The following UBE2K variants were observed in gnomAD, a reference collection of about 807,000 sequenced individuals.
UBE2K encodes ubiquitin-conjugating enzyme E2 K.
Under a neutral mutation model 30.0 loss-of-function variants are expected in UBE2K, and 6 were observed. The ratio of observed to expected loss-of-function variants is 0.20; its 90% CI spans 0.11 to 0.39. The LOEUF (loss-of-function observed/expected upper bound fraction) is 0.39. UBE2K is among the 10% of genes least tolerant of loss of function. The probability of loss-of-function intolerance (pLI) is 1.00; values close to 1 mark genes in which losing one functional copy is unlikely to be tolerated. For missense variants in UBE2K, 61 were observed against 241.6 expected (o/e 0.25, Z 4.96); for synonymous variants, 86 against 83.7 (o/e 1.03, Z -0.15).
chr4:39,775,921 G>A (rs775715203), intron 5 of UBE2K, among the ~76,000 whole-genome samples: 1 of 150,780 alleles, frequency 6.6e-6, no homozygotes, highest in Non-Finnish European at 1.5e-5. Context: ...CTTCTTACTC[G>A]TCTTTCTTAA....
intron 4 of UBE2K, chr4:39,761,036 C>T (rs1475161068): frequency 6.6e-6 from 1 of 152,268 alleles, no homozygotes; most frequent in African/African-American, 2.4e-5. Context: ...GTCCCAGCTA[C>T]TCAGGAGGCT....
chr4:39,714,546 A>ATTTTTTTTTTTTTTTTT (rs879776892), intron 1 of UBE2K: 5 of 25,278 alleles, frequency 2.0e-4, no homozygotes, highest in Admixed American at 8.3e-4. Flanking sequence ...ATATATATAT[A>ATTTTTTTTTTTTTTTTT]TATATTTTTT....
At chr4:39,709,605 A>G (rs2109309792) in intron 1 of UBE2K, among the ~76,000 whole-genome samples, 1 of 152,188 alleles carries the variant, frequency 6.6e-6, no homozygotes, top group Middle Eastern at 3.4e-3. Flanking sequence ...GTATGTACGT[A>G]TAGGGTCGGT....
chr4:39,717,378 A>C (rs369848073), intron 1 of UBE2K, among the ~76,000 whole-genome samples: 2 of 151,938 alleles, frequency 1.3e-5, no homozygotes, highest in Non-Finnish European at 2.9e-5. Flanking sequence ...TTACAGATGC[A>C]TGCTGCCACA....
At chr4:39,776,333 A>G (rs186338687) in intron 5 of UBE2K, among the ~76,000 whole-genome samples, 1 of 152,170 alleles carries the variant, frequency 6.6e-6, no homozygotes, top group Non-Finnish European at 1.5e-5. Flanking sequence ...TTTCTTTTCA[A>G]CTGCTCTGAT....
At chr4:39,772,299 C>T (rs1712940421) in intron 4 of UBE2K, among the ~76,000 whole-genome samples, 3 of 151,388 alleles carry the variant, frequency 2.0e-5, no homozygotes, top group Non-Finnish European at 4.4e-5. Context: ...GTGGCTCACA[C>T]CTATAATCCC....
At chr4:39,730,813 T>C (rs1349310956) in intron 1 of UBE2K, among the ~76,000 whole-genome samples, 8 of 139,292 alleles carry the variant, frequency 5.7e-5, no homozygotes, top group Non-Finnish European at 1.2e-4. Context: ...ATAGCTTCTT[T>C]TTTTTTTTTT....
intron 1 of UBE2K, among the ~76,000 whole-genome samples, chr4:39,718,901 A>G (rs978917064): frequency 1.3e-5 from 2 of 152,364 alleles, no homozygotes; most frequent in East Asian, 1.9e-4. Flanking sequence ...ACCTCCCTGC[A>G]GGCTGAGGGA....
At chr4:39,725,077 G>A (rs192433069) in intron 1 of UBE2K, among the ~76,000 whole-genome samples, 1 of 151,954 alleles carries the variant, frequency 6.6e-6, no homozygotes, top group African/African-American at 2.4e-5. Flanking sequence ...GTAACGTCCT[G>A]TTGTTATACA....
In UBE2K at chr4:39,782,009, A is replaced by G; in HGVS notation, c.*3575A>G. On this transcript the variant is annotated 3_prime_UTR_variant, in exon 7 of 7. Coordinates refer to ENST00000261427, the MANE Select transcript of UBE2K (RefSeq NM_005339.5). ...ATATTATGTCACACGTTCTATTTGCACTGCTGCAATATAGATCAAAGATCT... is the reference window on the plus strand; with the variant it reads ...ATATTATGTCACACGTTCTATTTGCGCTGCTGCAATATAGATCAAAGATCT... The G allele has an allele frequency of 2.5e-6, 1 of 398,332 alleles. No individual in the cohort carries two copies. The highest frequency in any genetic ancestry group is 3.6e-5 in the East Asian group (1 of 28,058). 24.7% of individuals were successfully genotyped at this position (398,332 alleles called of 1,614,324 possible). A position where few individuals can be genotyped will look rare whatever the true frequency, so the allele number is the denominator to read the frequency against.
chr4:39,739,881 G>A (rs1488064849), intron 2 of UBE2K, among the ~76,000 whole-genome samples: 2 of 152,166 alleles, frequency 1.3e-5, no homozygotes, highest in Admixed American at 6.5e-5. Context: ...GAGCCATTGT[G>A]CCCAACCTTG....
At chr4:39,738,081 C>T (rs990837782) in intron 2 of UBE2K, among the ~76,000 whole-genome samples, 1 of 152,026 alleles carries the variant, frequency 6.6e-6, no homozygotes, top group East Asian at 1.9e-4. Flanking sequence ...ACCATGGAAT[C>T]GGGTGGTAAG....
chr4:39,753,554 C>T (rs1435423976), intron 3 of UBE2K, among the ~76,000 whole-genome samples: 3 of 151,982 alleles, frequency 2.0e-5, no homozygotes, highest in African/African-American at 7.3e-5. Context: ...ACCGGACAAA[C>T]AAGGCAGAAA....
At chr4:39,745,891 G>C in intron 3 of UBE2K, 81 bp downstream of exon 3, 1 of 1,061,848 alleles carries the variant, frequency 9.4e-7, no homozygotes. Context: ...ATATTTTAGG[G>C]CTTATTAAAG....
At chr4:39,744,803 A>T (rs903435348) in intron 2 of UBE2K, among the ~76,000 whole-genome samples, 5 of 151,390 alleles carry the variant, frequency 3.3e-5, no homozygotes, top group Non-Finnish European at 7.4e-5. Flanking sequence ...GCTACTTGGG[A>T]GGCTGAGGCA....
At chr4:39,738,154 T>C (rs902254028) in intron 2 of UBE2K, among the ~76,000 whole-genome samples, 1 of 152,236 alleles carries the variant, frequency 6.6e-6, no homozygotes, top group African/African-American at 2.4e-5. Context: ...TAATTAATAT[T>C]ACTGTAAATT....
chr4:39,745,629 C>G (rs1469607821), intron 2 of UBE2K, 123 bp from the exon 3 acceptor site: 2 of 672,976 alleles, frequency 3.0e-6, no homozygotes, highest in Admixed American at 3.5e-5. Context: ...TTCTGGATTT[C>G]AACTTTAAAA....
chr4:39,705,904 C>CA (rs1359795601), intron 1 of UBE2K, among the ~76,000 whole-genome samples: 2 of 145,344 alleles, frequency 1.4e-5, no homozygotes, highest in Non-Finnish European at 3.0e-5. Context: ...GGCTGGAGTG[C>CA]AGTGGCGCGA....
At chr4:39,772,288 C>T (rs185553044) in intron 4 of UBE2K, among the ~76,000 whole-genome samples, 157 of 151,102 alleles carry the variant, frequency 1.0e-3, no homozygotes, top group Middle Eastern at 3.4e-3. Flanking sequence ...GGCTAGTTGT[C>T]GTGGCTCACA....
Sources: gnomAD v4.1 joint callset for allele counts (sites outside exome capture counted in the v4.1 genomes callset) on GRCh38, gnomAD v4.1.1 for gene constraint, MANE v1.5 for transcripts, NCBI Gene and HGNC (gene_info 2026-07-23, HGNC 2026-07-21) for gene names.